The following GRIK2 variants were observed in gnomAD, a reference collection of about 807,000 sequenced individuals.
GRIK2 encodes glutamate receptor ionotropic, kainate 2.
In GRIK2, 32 loss-of-function variants were observed where a neutral mutation model predicts 100.3. That is an observed-to-expected ratio of 0.32 (90% CI 0.24 to 0.43). GRIK2 has a LOEUF of 0.43. GRIK2 is among the 20% of genes least tolerant of loss of function. GRIK2 has a pLI of 1.00. For missense variants in GRIK2, 843 were observed against 1,114.9 expected (o/e 0.76, Z 3.47); for synonymous variants, 417 against 389.4 (o/e 1.07, Z -0.83).
In GRIK2 at chr6:101,719,328, C is replaced by G. The variant is rs139140677; in HGVS notation, c.951+32975C>G. 1.2e-3 allele frequency among the ~76,000 whole-genome samples: 177 copies of G among 151,896 alleles called. 1 individual carries two copies. Among genetic ancestry groups the G allele is most frequent in the African/African-American group, 4.1e-3 (171 of 41,440 alleles). On this transcript the variant is annotated intron_variant, in intron 7 of 16. Coordinates refer to ENST00000369134, the MANE Select transcript of GRIK2 (RefSeq NM_021956.5). Reference sequence around the variant, plus strand: ...TCATATTCTCTCACCATTAACTATACAGCAGCTAGAGCAGAGGAGTTGTTA... The same window carrying G: ...TCATATTCTCTCACCATTAACTATAGAGCAGCTAGAGCAGAGGAGTTGTTA...
chr6:101,772,216 C>A (rs1006302604), intron 7 of GRIK2, among the ~76,000 whole-genome samples: 2 of 152,192 alleles, frequency 1.3e-5, no homozygotes, highest in Non-Finnish European at 2.9e-5. Context: ...GAAAGTACCT[C>A]TTTCCTAATG....
intron 2 of GRIK2, among the ~76,000 whole-genome samples, chr6:101,466,485 G>A (rs1396449585): frequency 6.6e-6 from 1 of 151,580 alleles, no homozygotes; most frequent in Admixed American, 6.6e-5. Flanking sequence ...ACAATTAGTA[G>A]TCAGTTGCTG....
At chr6:101,577,057 ATGTT>A (rs1355593606) in intron 2 of GRIK2, among the ~76,000 whole-genome samples, 2 of 151,978 alleles carry the variant, frequency 1.3e-5, no homozygotes, top group Non-Finnish European at 1.5e-5. Context: ...TAGGGAATAA[ATGTT>A]TGATTTCTTA....
At chr6:101,821,528 G>T (rs1412040517) in intron 10 of GRIK2, among the ~76,000 whole-genome samples, 3 of 152,052 alleles carry the variant, frequency 2.0e-5, no homozygotes, top group African/African-American at 7.2e-5. Context: ...TATGGAAGAT[G>T]CACTAAGCTC....
chr6:101,860,162 G>T (rs1005080917), intron 11 of GRIK2, among the ~76,000 whole-genome samples: 1 of 151,974 alleles, frequency 6.6e-6, no homozygotes, highest in Non-Finnish European at 1.5e-5. Flanking sequence ...GGTACAATAT[G>T]AAGATGCAAC....
At chr6:101,990,172 A>C (rs1454707398) in intron 14 of GRIK2, among the ~76,000 whole-genome samples, 1 of 151,642 alleles carries the variant, frequency 6.6e-6, no homozygotes, top group Non-Finnish European at 1.5e-5. Flanking sequence ...TAGTACAGTG[A>C]GTCTTTATTC....
chr6:101,866,882 C>A (rs937799335), intron 11 of GRIK2, among the ~76,000 whole-genome samples: 23 of 150,960 alleles, frequency 1.5e-4, no homozygotes, highest in African/African-American at 5.6e-4. Context: ...CCAGCTAAGA[C>A]TTTATCTCTT....
At chr6:102,031,102 C>T (rs2114407271) in intron 14 of GRIK2, among the ~76,000 whole-genome samples, 1 of 139,926 alleles carries the variant, frequency 7.1e-6, no homozygotes, top group Non-Finnish European at 1.6e-5. Context: ...CACACACACA[C>T]ACACACACAC....
rs1456628481 is a variant in GRIK2, at chr6:101,648,811, TAA to T, written c.541+22175_541+22176del. Among the ~76,000 whole-genome samples the T allele has an allele frequency of 2.0e-5, 3 of 152,036 alleles. No homozygotes were observed. The East Asian group carries it at 5.8e-4, about 29-fold the overall frequency. On this transcript the variant is annotated intron_variant, in intron 4 of 16. Transcript: ENST00000369134. ...TAATAAAAAGATACCTGAGATTGGG[TAA>T]TTTATAAAGGAAAGAGGTTTAATGG...
At chr6:101,892,398 T>C (rs544507247) in intron 12 of GRIK2, among the ~76,000 whole-genome samples, 1 of 152,284 alleles carries the variant, frequency 6.6e-6, no homozygotes, top group Non-Finnish European at 1.5e-5. Context: ...AATATTTCTG[T>C]AACTCACTTG....
At chr6:101,968,540 A>C (rs1418236595) in intron 14 of GRIK2, among the ~76,000 whole-genome samples, 3 of 152,054 alleles carry the variant, frequency 2.0e-5, no homozygotes, top group Non-Finnish European at 4.4e-5. Context: ...GAGAGTATGC[A>C]GGTAATATCC....
At chr6:101,584,454 T>C (rs1028526218) in intron 2 of GRIK2, among the ~76,000 whole-genome samples, 4 of 152,044 alleles carry the variant, frequency 2.6e-5, no homozygotes, top group Non-Finnish European at 4.4e-5. Flanking sequence ...ACTAAAAAAG[T>C]CTGCTTTGTA....
chr6:101,473,172 T>A, intron 2 of GRIK2, among the ~76,000 whole-genome samples: 1 of 141,854 alleles, frequency 7.0e-6, no homozygotes. Flanking sequence ...TTCTTTCCTT[T>A]CTTCCTTCCC....
chr6:102,064,413 C>CCTTTT (rs1562149622), intron 16 of GRIK2, among the ~76,000 whole-genome samples: 1 of 141,018 alleles, frequency 7.1e-6, no homozygotes, highest in East Asian at 2.1e-4. Context: ...CTCCCTCCCT[C>CCTTTT]CTTTCTTTCT....
chr6:101,397,461 A>G (rs1382746669), intron 1 of GRIK2, among the ~76,000 whole-genome samples: 1 of 152,184 alleles, frequency 6.6e-6, no homozygotes, highest in Non-Finnish European at 1.5e-5. Context: ...CAGTCGAATT[A>G]TTTGATTGAA....
intron 2 of GRIK2, among the ~76,000 whole-genome samples, chr6:101,456,687 G>A (rs1245183865): frequency 2.7e-5 from 4 of 150,356 alleles, no homozygotes; most frequent in African/African-American, 2.4e-5. Flanking sequence ...GCTTAATTTG[G>A]AAAAAAAAAC....
chr6:101,948,762 A>G (rs781614839), intron 14 of GRIK2, among the ~76,000 whole-genome samples: 9 of 151,984 alleles, frequency 5.9e-5, no homozygotes, highest in Non-Finnish European at 8.8e-5. Flanking sequence ...GGGATGAGCC[A>G]CTGTGCCTGG....
In GRIK2 at chr6:102,041,170, A is replaced by C. The variant is rs534602024; in HGVS notation, c.2311+5604A>C. Among the ~76,000 whole-genome samples, 67 of 151,714 alleles carry C rather than the reference A, an allele frequency of 4.4e-4. 1 individual carries two copies. The highest frequency in any genetic ancestry group is 4.3e-3 in the South Asian group (21 of 4,828). On this transcript the variant is annotated intron_variant, in intron 15 of 16. Transcript: ENST00000369134. ...TACAATCTAGGAGGCTTCAACAGGG[A>C]ATTTGATGAATTGTGAGCACCACTG...
intron 1 of GRIK2, among the ~76,000 whole-genome samples, chr6:101,397,075 A>G (rs1292466011): frequency 1.3e-5 from 2 of 152,210 alleles, no homozygotes; most frequent in African/African-American, 2.4e-5. Context: ...GTAAAATGTC[A>G]TTATATTAAT....
Sources: allele counts gnomAD v4.1 joint callset (sites outside exome capture counted in the v4.1 genomes callset), GRCh38; gene constraint gnomAD v4.1.1; transcripts MANE v1.5; gene names NCBI Gene and HGNC (gene_info 2026-07-23, HGNC 2026-07-21).